Variants in PDE4D observed in about 807,000 individuals in gnomAD.
PDE4D encodes 3',5'-cyclic-AMP phosphodiesterase 4D.
In PDE4D, 24 loss-of-function variants were observed where a neutral mutation model predicts 87.4. The ratio of observed to expected loss-of-function variants is 0.27; its 90% CI spans 0.20 to 0.39. The LOEUF (loss-of-function observed/expected upper bound fraction) is 0.39. Ranked by LOEUF, PDE4D falls within the 10% of genes least tolerant of loss-of-function variation. PDE4D has a pLI of 1.00. For missense variants in PDE4D, 714 were observed against 1,041.0 expected (o/e 0.69, Z 4.32); for synonymous variants, 384 against 383.2 (o/e 1.00, Z -0.02).
At chr5:59,460,064 GAAAA>G (rs989324758) in intron 1 of PDE4D, among the ~76,000 whole-genome samples, 1 of 151,400 alleles carries the variant, frequency 6.6e-6, no homozygotes. Flanking sequence ...TGTCCATATG[GAAAA>G]AATACAGAAA....
intron 5 of PDE4D, among the ~76,000 whole-genome samples, chr5:59,068,023 A>T (rs1273964271): frequency 6.6e-6 from 1 of 152,216 alleles, no homozygotes; most frequent in Non-Finnish European, 1.5e-5. Context: ...ATGAAGTTCA[A>T]TTGTAGATCT....
intron 3 of PDE4D, among the ~76,000 whole-genome samples, chr5:59,985,102 A>G (rs923546983): frequency 6.7e-6 from 1 of 149,152 alleles, no homozygotes; most frequent in Non-Finnish European, 1.5e-5. Flanking sequence ...GCTACAGAAT[A>G]TAAGCCCGAA....
chr5:60,470,025 G>A (rs1420464239), intron 1 of PDE4D, among the ~76,000 whole-genome samples: 3 of 152,184 alleles, frequency 2.0e-5, no homozygotes, highest in African/African-American at 7.2e-5. Context: ...AAAAGCTCCT[G>A]TGCAAGTTAG....
At chr5:59,417,952 G>A (rs1001617363) in intron 1 of PDE4D, among the ~76,000 whole-genome samples, 3 of 152,044 alleles carry the variant, frequency 2.0e-5, no homozygotes, top group Admixed American at 6.6e-5. Flanking sequence ...ACAACAAAAC[G>A]CTTTACTTTT....
rs1764794697 is a variant in PDE4D at position 59,276,213 on chromosome 5, C to G, written c.456-60245G>C. On this transcript the variant is annotated intron_variant, in intron 1 of 14. Transcript: ENST00000340635. ...ACAAAGCAAAGGGGCGGATCAGCTC[C>G]AGAGACCAGCACTGTAAACCGGCCA... is the stretch of plus-strand genomic sequence containing the variant. 4 of 830,736 alleles carry G rather than the reference C, an allele frequency of 4.8e-6. No homozygotes were observed. The South Asian group carries it at 2.2e-4, about 46-fold the overall frequency. 51.5% of individuals were successfully genotyped at this position (830,736 alleles called of 1,614,324 possible). A position where few individuals can be genotyped will look rare whatever the true frequency, so the allele number is the denominator to read the frequency against.
intron 1 of PDE4D, among the ~76,000 whole-genome samples, chr5:59,279,680 A>T (rs1344049301): frequency 6.6e-6 from 1 of 152,032 alleles, no homozygotes; most frequent in African/African-American, 2.4e-5. Context: ...TCCAAAGTAG[A>T]TGTGATAATA....
intron 2 of PDE4D, among the ~76,000 whole-genome samples, chr5:60,042,322 A>G: frequency 6.6e-6 from 1 of 152,100 alleles, no homozygotes; most frequent in Non-Finnish European, 1.5e-5. Context: ...TAAAATTCCC[A>G]TCTCCCTGGG....
chr5:59,238,212 G>A (rs1044843057), intron 1 of PDE4D, among the ~76,000 whole-genome samples: 1 of 152,116 alleles, frequency 6.6e-6, no homozygotes, highest in Non-Finnish European at 1.5e-5. Context: ...TAAGTGCCAT[G>A]TATTTGGGGC....
chr5:59,607,377 G>A (rs537711886), intron 1 of PDE4D, among the ~76,000 whole-genome samples: 13 of 152,164 alleles, frequency 8.5e-5, no homozygotes, highest in South Asian at 2.1e-4. Flanking sequence ...GCAGTGCAGC[G>A]TTGAAACATC....
intron 1 of PDE4D, among the ~76,000 whole-genome samples, chr5:60,304,593 C>T (rs919128978): frequency 1.2e-3 from 167 of 142,360 alleles, no homozygotes; most frequent in African/African-American, 4.1e-3. Context: ...TGCAGTGAGC[C>T]GAGATTGCGC....
rs190021252 is a variant in PDE4D at position 59,431,913 on chromosome 5, A to G, written c.456-215945T>C. Among the ~76,000 whole-genome samples the G allele has an allele frequency of 2.0e-5, 3 of 152,212 alleles. No individual in the cohort carries two copies. The East Asian group carries it at 5.8e-4, about 29-fold the overall frequency. ...CTGTTCTTGTGTTAGTTTGCTAAGG[A>G]TAATAGCCTCCAGTTCCATCCATGT... On this transcript the variant is annotated intron_variant, in intron 1 of 14. Coordinates refer to ENST00000340635, the MANE Select transcript of PDE4D (RefSeq NM_001104631.2).
chr5:59,271,782 C>A (rs1250334092), intron 1 of PDE4D, among the ~76,000 whole-genome samples: 3 of 151,896 alleles, frequency 2.0e-5, no homozygotes, highest in Non-Finnish European at 4.4e-5. Flanking sequence ...GATGAGCTTG[C>A]TAATACATAT....
chr5:60,279,946 C>G (rs1428395454), intron 1 of PDE4D, among the ~76,000 whole-genome samples: 1 of 152,056 alleles, frequency 6.6e-6, no homozygotes, highest in South Asian at 2.1e-4. Flanking sequence ...TCCCAAAGTG[C>G]TGGGATTACA....
intron 6 of PDE4D, among the ~76,000 whole-genome samples, chr5:58,996,269 A>AACTT: frequency 6.6e-6 from 1 of 152,262 alleles, no homozygotes; most frequent in Middle Eastern, 3.4e-3. Context: ...TGTATACCAG[A>AACTT]ACTTAAAGTA....
intron 1 of PDE4D, among the ~76,000 whole-genome samples, chr5:60,187,486 T>C (rs1048844207): frequency 1.3e-5 from 2 of 152,218 alleles, no homozygotes; most frequent in African/African-American, 4.8e-5. Flanking sequence ...ATCCAGGATT[T>C]AATGAGTAGC....
At chr5:59,006,858 G>A (rs1474407847) in intron 6 of PDE4D, among the ~76,000 whole-genome samples, 1 of 152,082 alleles carries the variant, frequency 6.6e-6, no homozygotes, top group Non-Finnish European at 1.5e-5. Context: ...ATGCATTTTT[G>A]AATAGGGAAA....
At chr5:60,131,229 G>A (rs1424933874) in intron 2 of PDE4D, among the ~76,000 whole-genome samples, 1 of 152,016 alleles carries the variant, frequency 6.6e-6, no homozygotes, top group Admixed American at 6.6e-5. Flanking sequence ...TGAAGTGATG[G>A]TAAATACCTG....
At chr5:59,856,186 A>G (rs189020438) in intron 1 of PDE4D, among the ~76,000 whole-genome samples, 136 of 152,200 alleles carry the variant, frequency 8.9e-4, no homozygotes, top group Middle Eastern at 3.4e-3. Flanking sequence ...TGACTTTGCT[A>G]TTGCCTTTAT....
At chr5:59,691,495 TC>T (rs1351371997) in intron 1 of PDE4D, among the ~76,000 whole-genome samples, 3 of 144,938 alleles carry the variant, frequency 2.1e-5, no homozygotes, top group African/African-American at 7.7e-5. Context: ...CTGCATGTTC[TC>T]AATCATAGGT....
Sources: gnomAD v4.1 joint callset for allele counts (sites outside exome capture counted in the v4.1 genomes callset) on GRCh38, gnomAD v4.1.1 for gene constraint, MANE v1.5 for transcripts, NCBI Gene and HGNC (gene_info 2026-07-23, HGNC 2026-07-21) for gene names.